Variants in GPR158 observed in about 807,000 individuals in gnomAD.
The protein encoded by GPR158 is G protein-coupled receptor 158.
Under a neutral mutation model 78.2 loss-of-function variants are expected in GPR158, and 30 were observed. The observed-to-expected ratio is 0.38, with a 90% CI of 0.29 to 0.52. The LOEUF (loss-of-function observed/expected upper bound fraction) is 0.52, where lower values mean the gene tolerates loss of function less well. GPR158 is among the 20% of genes least tolerant of loss of function. GPR158 has a pLI of 0.83. For missense variants in GPR158, 1,463 were observed against 1,523.5 expected, an observed-to-expected ratio of 0.96 and a Z score of 0.66; for synonymous variants, 581 against 591.1, an observed-to-expected ratio of 0.98 and a Z score of 0.25.
chr10:25,591,312 A>C (rs1468667072), intron 8 of GPR158, among the ~76,000 whole-genome samples: 8 of 152,138 alleles, frequency 5.3e-5, no homozygotes, highest in African/African-American at 1.9e-4. Flanking sequence ...CTCACTTGAC[A>C]TTTGATAACA....
intron 2 of GPR158, among the ~76,000 whole-genome samples, chr10:25,290,324 T>A (rs1854417027): frequency 6.6e-6 from 1 of 152,222 alleles, no homozygotes; most frequent in South Asian, 2.1e-4. Flanking sequence ...CCGTTTGTAA[T>A]AAACTAAGCA....
At chr10:25,504,581 C>T (rs1835985827) in intron 5 of GPR158, among the ~76,000 whole-genome samples, 2 of 152,168 alleles carry the variant, frequency 1.3e-5, no homozygotes. Context: ...CTCAACTCTG[C>T]TGCCCGCTGG....
chr10:25,580,913 A>AT (rs571040918), intron 7 of GPR158, among the ~76,000 whole-genome samples: 1 of 113,802 alleles, frequency 8.8e-6, no homozygotes, highest in Non-Finnish European at 1.6e-5. Flanking sequence ...TTTTTATTTT[A>AT]TTTTATTTTA....
intron 5 of GPR158, among the ~76,000 whole-genome samples, chr10:25,516,140 A>C (rs1201144042): frequency 6.6e-6 from 1 of 151,710 alleles, no homozygotes; most frequent in Non-Finnish European, 1.5e-5. Context: ...GCATTTTTTC[A>C]TGTGTTTTTT....
chr10:25,298,026 T>C (rs1340526477), intron 2 of GPR158, among the ~76,000 whole-genome samples: 2 of 152,176 alleles, frequency 1.3e-5, no homozygotes, highest in African/African-American at 2.4e-5. Context: ...AATGAGTAAA[T>C]GTGGCATATT....
chr10:25,180,581 A>G (rs1337923804), intron 1 of GPR158, among the ~76,000 whole-genome samples: 1 of 152,252 alleles, frequency 6.6e-6, no homozygotes, highest in Non-Finnish European at 1.5e-5. Context: ...TATGTTGTAC[A>G]GTGAGAAGAG....
At chr10:25,325,651 T>C (rs1457916984) in intron 2 of GPR158, among the ~76,000 whole-genome samples, 1 of 152,200 alleles carries the variant, frequency 6.6e-6, no homozygotes, top group African/African-American at 2.4e-5. Flanking sequence ...CTGGATCATA[T>C]GCTAGTTATA....
intron 4 of GPR158, among the ~76,000 whole-genome samples, chr10:25,442,339 G>C (rs1040073219): frequency 6.6e-6 from 1 of 152,126 alleles, no homozygotes; most frequent in South Asian, 2.1e-4. Context: ...TCACCAGTGA[G>C]ATAAATATGG....
At chr10:25,188,312 G>A (rs991697946) in intron 1 of GPR158, among the ~76,000 whole-genome samples, 2 of 152,144 alleles carry the variant, frequency 1.3e-5, no homozygotes, top group Non-Finnish European at 2.9e-5. Flanking sequence ...CCAAAAAAGA[G>A]CCCACATTGC....
chr10:25,577,065 A>ATTATTT (rs1047604715), intron 7 of GPR158, among the ~76,000 whole-genome samples: 18 of 152,066 alleles, frequency 1.2e-4, no homozygotes, highest in African/African-American at 4.1e-4. Flanking sequence ...GGCTGTTGTA[A>ATTATTT]TTATTTTTCA....
chr10:25,415,356 G>C (rs990179750), intron 4 of GPR158, among the ~76,000 whole-genome samples: 1 of 150,286 alleles, frequency 6.7e-6, no homozygotes, highest in African/African-American at 2.4e-5. Flanking sequence ...AGTGAGCCAA[G>C]GATCTAAATA....
intron 2 of GPR158, among the ~76,000 whole-genome samples, chr10:25,254,585 A>G (rs1425955638): frequency 6.6e-5 from 10 of 152,198 alleles, no homozygotes; most frequent in Admixed American, 6.5e-4. Flanking sequence ...AGTAGTAGTG[A>G]AAAAATAAAT....
chr10:25,559,178 C>A (rs1373848160), intron 6 of GPR158, among the ~76,000 whole-genome samples: 1 of 152,162 alleles, frequency 6.6e-6, no homozygotes, highest in Non-Finnish European at 1.5e-5. Context: ...ATGAATCAAA[C>A]CTTTTATTAT....
At chr10:25,540,595 T>C (rs922677548) in intron 5 of GPR158, among the ~76,000 whole-genome samples, 1 of 152,040 alleles carries the variant, frequency 6.6e-6, no homozygotes, top group African/African-American at 2.4e-5. Flanking sequence ...ATATACACCA[T>C]GGAATACTAT....
intron 5 of GPR158, among the ~76,000 whole-genome samples, chr10:25,523,522 T>C (rs1836306005): frequency 6.6e-6 from 1 of 152,196 alleles, no homozygotes; most frequent in Non-Finnish European, 1.5e-5. Context: ...TTGCCTGTGG[T>C]TGGGCCTGAA....
intron 5 of GPR158, among the ~76,000 whole-genome samples, chr10:25,515,354 T>C (rs1222111178): frequency 6.6e-6 from 1 of 152,096 alleles, no homozygotes; most frequent in African/African-American, 2.4e-5. Context: ...TGATTGTTTT[T>C]AATTTATGTT....
intron 6 of GPR158, among the ~76,000 whole-genome samples, chr10:25,555,712 TG>T (rs1269237027): frequency 6.6e-6 from 1 of 152,172 alleles, no homozygotes; most frequent in Non-Finnish European, 1.5e-5. Flanking sequence ...TGAAGACTCT[TG>T]GGCTTTTCCT....
At chr10:25,293,683 A>G (rs560849641) in intron 2 of GPR158, among the ~76,000 whole-genome samples, 2 of 152,192 alleles carry the variant, frequency 1.3e-5, no homozygotes, top group African/African-American at 4.8e-5. Flanking sequence ...CCTTGATCAT[A>G]TGGATCATCT....
At chr10:25,511,600 T>A (rs1250475316) in intron 5 of GPR158, among the ~76,000 whole-genome samples, 4 of 152,130 alleles carry the variant, frequency 2.6e-5, no homozygotes, top group African/African-American at 9.7e-5. Flanking sequence ...TCTTGGTCAT[T>A]AAGTCTTTGT....
Sources: gnomAD v4.1 joint callset for allele counts (sites outside exome capture counted in the v4.1 genomes callset) on GRCh38, gnomAD v4.1.1 for gene constraint, MANE v1.5 for transcripts, NCBI Gene and HGNC (gene_info 2026-07-23, HGNC 2026-07-21) for gene names.